Variants in EEA1 observed in about 807,000 individuals in gnomAD.
EEA1 encodes the protein early endosome antigen 1, 162kD.
EEA1 carries 111 observed loss-of-function variants against 209.2 expected under a neutral mutation model. The observed-to-expected ratio is 0.53, with a 90% confidence interval of 0.45 to 0.62. The LOEUF (loss-of-function observed/expected upper bound fraction) is 0.62. Among genes scored for constraint, EEA1 ranks in the 20% least tolerant of loss-of-function variants. The probability of loss-of-function intolerance (pLI) is 0.00; values close to 1 mark genes in which losing one functional copy is unlikely to be tolerated. For synonymous variants in EEA1, 536 were observed against 540.6 expected (o/e 0.99, Z 0.12); for missense variants, 1,343 against 1,530.8 (o/e 0.88, Z 2.05).
At chr12:92,841,710 T>A (rs73217885) in intron 10 of EEA1, among the ~76,000 whole-genome samples, 14,351 of 151,938 alleles carry the variant, frequency 0.094, 789 homozygotes, top group South Asian at 0.19. Context: ...ATGGCTACTC[T>A]CAAAAAAGAA....
chr12:92,927,507 T>A (rs1477790582), intron 1 of EEA1, among the ~76,000 whole-genome samples: 6 of 152,222 alleles, frequency 3.9e-5, no homozygotes, highest in African/African-American at 1.4e-4. Flanking sequence ...AAACCAAGAT[T>A]ACTAGAAAGC....
Position 92,842,523 on chromosome 12 carries a change from T to C in EEA1, c.857A>G (p.Tyr286Cys). ...TTTCAGTTTTTGTAGTTCCTGTACA[T>C]ATACAGCAACTTCCTGGGGGCCTTT... ...LAKGPQEVAV[Y>C]VQELQKLKSS... The change falls in exon 10 of 29, where the codon TAT becomes TGT. Residue 286 changes from tyrosine (Y) to cysteine (C), a missense_variant. By Grantham distance (194) the Tyr-to-Cys change is radical. Around this residue, in one of 3 missense-constraint regions of EEA1, gnomAD observed 1,307 missense variants for 1,465.5 expected, o/e 0.89. Coordinates refer to ENST00000322349, the MANE Select transcript of EEA1 (RefSeq NM_003566.4). 6.2e-7 allele frequency: 1 copy of C among 1,609,488 alleles called. No individual in the cohort carries two copies. The highest frequency in any genetic ancestry group is 8.5e-7 in the Non-Finnish European group (1 of 1,178,422).
In EEA1 at chr12:92,859,255, C is replaced by T. The variant is rs959327171; in HGVS notation, c.246-1770G>A. On this transcript the variant is annotated intron_variant, in intron 3 of 28. Transcript: ENST00000322349. ...TAGGGACAGCTTCCCATGGGAAGTG[C>T]CCAAAAAGCTTAAATATTGAAAGTT... 4 of 1,607,338 alleles carry T rather than the reference C, an allele frequency of 2.5e-6. No individual in the cohort carries two copies. The African/African-American group carries it at 4.0e-5, about 16-fold the overall frequency.
chr12:92,834,307 G>T (rs1876808198), intron 10 of EEA1, among the ~76,000 whole-genome samples: 1 of 152,082 alleles, frequency 6.6e-6, no homozygotes, highest in African/African-American at 2.4e-5. Flanking sequence ...ACTCTGTGAG[G>T]CTGAGACAGA....
chr12:92,814,113 T>G (rs1227825808), intron 15 of EEA1, among the ~76,000 whole-genome samples: 1 of 151,992 alleles, frequency 6.6e-6, no homozygotes, highest in Non-Finnish European at 1.5e-5. Context: ...AAATGGGGGG[T>G]GCATTCTTTT....
In EEA1 at chr12:92,779,296, A is replaced by G; in HGVS notation, c.3473T>C (p.Ile1158Thr). 6.3e-7 allele frequency: 1 copy of G among 1,584,434 alleles called. No individual in the cohort carries two copies. The highest frequency in any genetic ancestry group is 1.4e-5 in the African/African-American group (1 of 72,776). The change falls in exon 25 of 29, where the codon ATA becomes ACA. Residue 1158 changes from isoleucine to threonine, a missense_variant. Ile to Thr is a moderately conservative substitution (Grantham distance 89). Coordinates refer to ENST00000322349, the MANE Select transcript of EEA1 (RefSeq NM_003566.4). Reference sequence around the variant, plus strand: ...CTGTTTAGCATCTTTAAGATTTGTTATCTCCTGTTGAAAAAGTAGGGCCAA... The same window carrying G: ...CTGTTTAGCATCTTTAAGATTTGTTGTCTCCTGTTGAAAAAGTAGGGCCAA... ...KSHKLESIKE[I>T]TNLKDAKQLL... is the part of the protein sequence containing the mutation.
intron 2 of EEA1, among the ~76,000 whole-genome samples, chr12:92,888,919 G>A (rs1879538995): frequency 6.6e-6 from 1 of 152,128 alleles, no homozygotes; most frequent in South Asian, 2.1e-4. Context: ...GGAGGCCAAG[G>A]CAGATGGATC....
chr12:92,776,063 G>C lies in EEA1; in HGVS notation c.4184C>G (p.Ser1395Cys), dbSNP rs919218215. 9 of 1,611,604 alleles carry C rather than the reference G, an allele frequency of 5.6e-6. No individual in the cohort carries two copies. Among genetic ancestry groups the C allele is most frequent in the Non-Finnish European group, 7.6e-6 (9 of 1,178,442 alleles). The change falls in exon 29 of 29, where the codon TCC becomes TGC. Residue 1395 changes from serine (S) to cysteine (C), a missense_variant. Ser to Cys is a moderately radical substitution (Grantham distance 112). This residue lies in a region of EEA1 where 28 missense variants were observed against 37.7 expected (regional missense o/e 0.74). Coordinates refer to ENST00000322349, the MANE Select transcript of EEA1 (RefSeq NM_003566.4). The stretch of plus-strand genomic sequence containing the variant: ...ATCACAGACACGAACAGGCTTCTTG[G>C]AGGAAGGAGTTAAGGCATTTTTGGC... ...CSAKNALTPS[S>C]KKPVRVCDAC... is the part of the protein sequence containing the mutation.
intron 17 of EEA1, 111 bp from the exon 18 acceptor site, chr12:92,809,267 A>G: frequency 1.4e-6 from 1 of 737,566 alleles, no homozygotes; most frequent in Non-Finnish European, 1.9e-6. Flanking sequence ...ATACAAAAAA[A>G]AATTTATTAT....
chr12:92,809,260 C>CAAAA, intron 17 of EEA1, 104 bp from the exon 18 acceptor site: 2 of 683,140 alleles, frequency 2.9e-6, no homozygotes, highest in Non-Finnish European at 2.1e-6. Context: ...GTGTGACATA[C>CAAAA]AAAAAAAAAT....
intron 10 of EEA1, among the ~76,000 whole-genome samples, chr12:92,834,411 G>A (rs778900958): frequency 1.3e-5 from 2 of 151,834 alleles, no homozygotes; most frequent in African/African-American, 2.4e-5. Flanking sequence ...CAGGCATGGC[G>A]GTATGCACCT....
intron 11 of EEA1, among the ~76,000 whole-genome samples, chr12:92,830,770 A>G (rs1435843043): frequency 6.6e-6 from 1 of 152,214 alleles, no homozygotes; most frequent in Non-Finnish European, 1.5e-5. Context: ...ACCTCAACTT[A>G]ATCCATTAGG....
chr12:92,795,765 T>C (rs1466662280), intron 21 of EEA1, among the ~76,000 whole-genome samples: 1 of 152,208 alleles, frequency 6.6e-6, no homozygotes, highest in Non-Finnish European at 1.5e-5. Context: ...CATTGAAGAA[T>C]TCCTGGATAT....
chr12:92,807,738 T>C (rs983185212), intron 18 of EEA1, among the ~76,000 whole-genome samples: 7 of 152,148 alleles, frequency 4.6e-5, no homozygotes, highest in African/African-American at 1.7e-4. Context: ...ATGTCTATGT[T>C]AAAAACCATA....
chr12:92,898,721 C>T (rs1343991732), intron 1 of EEA1, among the ~76,000 whole-genome samples: 6 of 133,562 alleles, frequency 4.5e-5, no homozygotes, highest in Admixed American at 7.7e-5. Context: ...TTTTTTTTTC[C>T]TTTTTTTCCC....
chr12:92,862,252 G>A (rs1878187857), intron 3 of EEA1, among the ~76,000 whole-genome samples: 1 of 152,066 alleles, frequency 6.6e-6, no homozygotes, highest in South Asian at 2.1e-4. Context: ...GCAATGAGAA[G>A]CCTGCAAAAA....
intron 13 of EEA1, among the ~76,000 whole-genome samples, chr12:92,822,517 T>G (rs1876106908): frequency 6.6e-6 from 1 of 152,022 alleles, no homozygotes; most frequent in Admixed American, 6.6e-5. Flanking sequence ...AAACCCACAT[T>G]TGAAGGTGCT....
intron 1 of EEA1, among the ~76,000 whole-genome samples, chr12:92,917,031 G>A (rs1880793598): frequency 6.6e-6 from 1 of 150,424 alleles, no homozygotes; most frequent in Admixed American, 6.6e-5. Flanking sequence ...AAGTGAGAAG[G>A]GAAGTTTAGA....
At position 92,832,757 on chromosome 12, in the gene EEA1, C is replaced by T. The variant is rs551676624; in HGVS notation, c.1009G>A (p.Ala337Thr). 5 of 1,613,770 alleles carry T rather than the reference C, an allele frequency of 3.1e-6. No individual in the cohort carries two copies. The highest frequency in any genetic ancestry group is 3.4e-6 in the Non-Finnish European group (4 of 1,179,942). ...EESVSKKNIQATLHQKDLDCQ... is the reference protein window; with the variant it reads ...EESVSKKNIQTTLHQKDLDCQ... Reference sequence around the variant, plus strand: ...TCTAGGTCTTTTTGATGAAGGGTTGCCTGAATATTCTTTTTACTCACAGAT... The same window carrying T: ...TCTAGGTCTTTTTGATGAAGGGTTGTCTGAATATTCTTTTTACTCACAGAT... The change falls in exon 11 of 29, where the codon GCA (alanine) becomes ACA (threonine). Residue 337 changes from alanine to threonine, a missense_variant. Physicochemically the swap from Ala to Thr is moderately conservative, Grantham distance 58 (BLOSUM62 0). Transcript: ENST00000322349.
Sources: allele counts gnomAD v4.1 joint callset (sites outside exome capture counted in the v4.1 genomes callset), GRCh38; gene constraint gnomAD v4.1.1; regional missense constraint gnomAD v4.1.1; transcripts MANE v1.5; gene names NCBI Gene and HGNC (gene_info 2026-07-23, HGNC 2026-07-21).